Variants in RPSA2 observed in about 807,000 individuals in gnomAD.
RPSA2 encodes small ribosomal subunit protein uS2B.
chr19:23,799,268 T>C, the RPSA2 span: 1 of 152,414 alleles, frequency 6.6e-6, no homozygotes, highest in African/African-American at 2.4e-5. Context: ...TGTATCTGTT[T>C]TAGAAGCCCT....
the RPSA2 span, chr19:23,827,696 G>A: frequency 6.3e-7 from 1 of 1,593,256 alleles, no homozygotes; most frequent in Non-Finnish European, 8.5e-7. Flanking sequence ...GTGGATGCTG[G>A]CTCGGGAAGT....
At chr19:23,834,342 A>C in the RPSA2 span, among the ~76,000 whole-genome samples, 13 of 151,932 alleles carry the variant, frequency 8.6e-5, no homozygotes, top group Admixed American at 8.5e-4. Flanking sequence ...TGGTTTATTC[A>C]AATGTGAAAG....
the RPSA2 span, among the ~76,000 whole-genome samples, chr19:23,778,346 G>GCTTGCT: frequency 6.6e-6 from 1 of 152,154 alleles, no homozygotes; most frequent in East Asian, 1.9e-4. Context: ...CCAAGTAGCT[G>GCTTGCT]GGATTACAGG....
chr19:23,760,247 C>T, the RPSA2 span, among the ~76,000 whole-genome samples: 6 of 152,138 alleles, frequency 3.9e-5, no homozygotes, highest in Non-Finnish European at 8.8e-5. Flanking sequence ...CCCCTAACCC[C>T]CTCCATTCCA....
chr19:23,792,864 A>G, the RPSA2 span, among the ~76,000 whole-genome samples: 1 of 152,152 alleles, frequency 6.6e-6, no homozygotes, highest in South Asian at 2.1e-4. Flanking sequence ...TGCCTTCCAG[A>G]GAAAAGCAAA....
the RPSA2 span, among the ~76,000 whole-genome samples, chr19:23,822,432 G>T: frequency 6.6e-6 from 1 of 152,270 alleles, no homozygotes; most frequent in South Asian, 2.1e-4. Context: ...TGGCCAGGTT[G>T]GATTGTGCAT....
chr19:23,839,430 C>T, the RPSA2 span, among the ~76,000 whole-genome samples: 1 of 152,140 alleles, frequency 6.6e-6, no homozygotes, highest in African/African-American at 2.4e-5. Context: ...CAGTGGAAAC[C>T]AAAAGGCTGG....
At chr19:23,817,332 A>G in the RPSA2 span, among the ~76,000 whole-genome samples, 4 of 152,210 alleles carry the variant, frequency 2.6e-5, no homozygotes, top group Admixed American at 2.6e-4. Context: ...CAGTGAGCCA[A>G]GATTGTGCCA....
At chr19:23,846,634 G>C in the RPSA2 span, among the ~76,000 whole-genome samples, 2 of 152,154 alleles carry the variant, frequency 1.3e-5, no homozygotes, top group East Asian at 1.9e-4. Flanking sequence ...AATCTAGCTT[G>C]ATGTAAAATT....
At chr19:23,842,004 C>G in the RPSA2 span, among the ~76,000 whole-genome samples, 2 of 152,168 alleles carry the variant, frequency 1.3e-5, no homozygotes, top group Non-Finnish European at 2.9e-5. Context: ...GTCATATACA[C>G]TGGGATAAAA....
the RPSA2 span, among the ~76,000 whole-genome samples, chr19:23,805,690 A>C: frequency 6.6e-6 from 1 of 152,168 alleles, no homozygotes; most frequent in African/African-American, 2.4e-5. Flanking sequence ...ACTTTTTTTC[A>C]GCTAAACATT....
At chr19:23,859,169 G>T in the RPSA2 span, among the ~76,000 whole-genome samples, 1 of 152,072 alleles carries the variant, frequency 6.6e-6, no homozygotes, top group Non-Finnish European at 1.5e-5. Context: ...AGTTAAAATT[G>T]CTATATTAAG....
the RPSA2 span, among the ~76,000 whole-genome samples, chr19:23,861,259 A>G: frequency 2.0e-5 from 3 of 152,264 alleles, no homozygotes; most frequent in Admixed American, 1.3e-4. Flanking sequence ...GCAAAATTAA[A>G]TTTCCCAAAC....
chr19:23,767,059 TCTC>T, the RPSA2 span, among the ~76,000 whole-genome samples: 31 of 152,088 alleles, frequency 2.0e-4, no homozygotes, highest in African/African-American at 5.3e-4. Context: ...TTCAAACCAT[TCTC>T]CTGCCTCAGC....
chr19:23,817,894 C>A, the RPSA2 span: 1 of 152,142 alleles, frequency 6.6e-6, no homozygotes, highest in South Asian at 2.1e-4. Context: ...GTAACCTTGT[C>A]ATGTTATCCA....
chr19:23,832,187 G>A, the RPSA2 span: 1 of 422,018 alleles, frequency 2.4e-6, no homozygotes, highest in Admixed American at 3.1e-5. Context: ...ACCCTAACTA[G>A]ATATAAGAGG....
At chr19:23,839,934 T>C in the RPSA2 span, among the ~76,000 whole-genome samples, 16 of 152,216 alleles carry the variant, frequency 1.1e-4, no homozygotes, top group African/African-American at 3.6e-4. Context: ...CCTTTCCCAC[T>C]TCTGCAGTGG....
the RPSA2 span, among the ~76,000 whole-genome samples, chr19:23,788,931 C>T: frequency 6.6e-6 from 1 of 151,566 alleles, no homozygotes; most frequent in South Asian, 2.1e-4. Flanking sequence ...CAGGGTGTTG[C>T]TCACTGAGAG....
chr19:23,839,383 T>A, the RPSA2 span, among the ~76,000 whole-genome samples: 1 of 152,034 alleles, frequency 6.6e-6, no homozygotes, highest in Non-Finnish European at 1.5e-5. Flanking sequence ...GTCAGGGACG[T>A]GGGGGAAAGC....
Sources: allele counts gnomAD v4.1 joint callset (sites outside exome capture counted in the v4.1 genomes callset), GRCh38; gene constraint gnomAD v4.1.1; transcripts MANE v1.5; gene names NCBI Gene and HGNC (gene_info 2026-07-23, HGNC 2026-07-21).